Variants in TRAPPC6B observed in about 807,000 individuals in gnomAD.
The protein encoded by TRAPPC6B is TRAPP complex subunit 6B.
TRAPPC6B carries 27 observed loss-of-function variants against 24.7 expected under a neutral mutation model. The observed-to-expected ratio is 1.09, with a 90% CI of 0.81 to 1.51. The LOEUF is 1.51. TRAPPC6B is among the 40% of genes most tolerant of loss of function. The pLI, the probability that TRAPPC6B is intolerant of heterozygous loss-of-function variation, is 0.00. For missense variants in TRAPPC6B, 212 were observed against 190.8 expected, an observed-to-expected ratio of 1.11 and a Z score of -0.66; for synonymous variants, 80 against 66.6, an observed-to-expected ratio of 1.20 and a Z score of -0.98.
In TRAPPC6B at chr14:39,159,506, T is replaced by C. The variant is rs1256218881; in HGVS notation, c.126A>G (p.Arg42=). 6.2e-7 allele frequency: 1 copy of C among 1,606,748 alleles called. No homozygotes were observed. The highest frequency in any genetic ancestry group is 1.7e-5 in the Admixed American group (1 of 59,126). ...ACCTTTCTATCAATCCTTGTCCCAC[T>C]CGAAACCCCATGTTTTCCAGCTTAG... ...CITKLENMGF[R]VGQGLIERFT... The change falls in exon 2 of 6, where the codon CGA becomes CGG. Residue 42 remains arginine (R), a synonymous_variant. Coordinates refer to ENST00000330149, the MANE Select transcript of TRAPPC6B (RefSeq NM_001079537.2).
chr14:39,167,287 T>G (rs887784708), intron 1 of TRAPPC6B, among the ~76,000 whole-genome samples: 1 of 152,194 alleles, frequency 6.6e-6, no homozygotes, highest in African/African-American at 2.4e-5. Context: ...TGAAAAACCT[T>G]GATTTGGAGG....
At chr14:39,154,116 A>T in intron 4 of TRAPPC6B, 95 bp downstream of exon 4, 1 of 753,334 alleles carries the variant, frequency 1.3e-6, no homozygotes, top group Non-Finnish European at 2.2e-6. Context: ...ACCTTAAAAC[A>T]TATTTTTAAT....
intron 3 of TRAPPC6B, chr14:39,157,602 C>A: frequency 2.7e-6 from 1 of 375,928 alleles, no homozygotes; most frequent in South Asian, 2.1e-5. Flanking sequence ...GGGTCCCTTA[C>A]CGCATTATCA....
chr14:39,161,851 A>G (rs2053063113), intron 1 of TRAPPC6B, among the ~76,000 whole-genome samples: 1 of 152,170 alleles, frequency 6.6e-6, no homozygotes, highest in Non-Finnish European at 1.5e-5. Context: ...CAGCTTCCAG[A>G]TGAGAAGCTA....
intron 1 of TRAPPC6B, among the ~76,000 whole-genome samples, chr14:39,164,436 G>A (rs1412992404): frequency 6.6e-6 from 1 of 152,170 alleles, no homozygotes; most frequent in South Asian, 2.1e-4. Context: ...AGGTTGCAGT[G>A]AGCCAAGGTC....
chr14:39,151,801 T>C lies in TRAPPC6B; in HGVS notation c.390A>G (p.Leu130=). The C allele has an allele frequency of 6.2e-7, 1 of 1,609,604 alleles. No homozygotes were observed. The highest frequency in any genetic ancestry group is 8.5e-7 in the Non-Finnish European group (1 of 1,178,744). ...AFTCGLIRGG[L]SNLGIKSIVT... Reference sequence around the variant, plus strand: ...CAATACTTTTTATTCCCAAGTTTGATAAGCCACCTCTGATTAAGCCACACG... The same window carrying C: ...CAATACTTTTTATTCCCAAGTTTGACAAGCCACCTCTGATTAAGCCACACG... The change falls in exon 5 of 6, where the codon TTA becomes TTG. Residue 130 remains leucine (L), a synonymous_variant. Transcript: ENST00000330149.
chr14:39,161,273 A>T (rs1228505564), intron 1 of TRAPPC6B, among the ~76,000 whole-genome samples: 1 of 152,228 alleles, frequency 6.6e-6, no homozygotes, highest in Non-Finnish European at 1.5e-5. Context: ...TCAAGTAATA[A>T]CCAGTTATAT....
In TRAPPC6B at chr14:39,148,315, C is replaced by G. The variant is rs2052877164; in HGVS notation, c.*2035G>C. ...TTCAGACTTCCTTTGTCTCGTTAGC[C>G]TAGATTCCATCAAATGATCAAGTAA... On this transcript the variant is annotated 3_prime_UTR_variant, in exon 6 of 6. Coordinates refer to ENST00000330149, the MANE Select transcript of TRAPPC6B (RefSeq NM_001079537.2). 1 of 223,796 alleles carries G rather than the reference C, an allele frequency of 4.5e-6. No individual in the cohort carries two copies. Among genetic ancestry groups the G allele is most frequent in the African/African-American group, 2.2e-5 (1 of 44,638 alleles). 13.9% of individuals were successfully genotyped at this position (223,796 alleles called of 1,614,324 possible). A position where few individuals can be genotyped will look rare whatever the true frequency, so the allele number is the denominator to read the frequency against.
chr14:39,160,339 A>G (rs1353924750), intron 1 of TRAPPC6B, among the ~76,000 whole-genome samples: 1 of 152,046 alleles, frequency 6.6e-6, no homozygotes, highest in African/African-American at 2.4e-5. Context: ...GCACTTTAGG[A>G]GGCCAAAGCA....
intron 3 of TRAPPC6B, chr14:39,157,997 A>G (rs1423089271): frequency 3.9e-6 from 1 of 257,288 alleles, no homozygotes; most frequent in Non-Finnish European, 7.3e-6. Context: ...ATTAACAGTA[A>G]CTAAGGAACC....
At chr14:39,169,818 A>T (rs1373010141) in intron 1 of TRAPPC6B, among the ~76,000 whole-genome samples, 197 bp downstream of exon 1, 1 of 152,208 alleles carries the variant, frequency 6.6e-6, no homozygotes, top group African/African-American at 2.4e-5. Flanking sequence ...GAAGATACGA[A>T]AGAGAAAACG....
intron 3 of TRAPPC6B, chr14:39,157,150 C>T (rs2052991577): frequency 4.1e-6 from 1 of 243,016 alleles, no homozygotes; most frequent in African/African-American, 2.4e-5. Context: ...TGGTGAATCC[C>T]CTGTTTGAGA....
Position 39,170,091 on chromosome 14 carries a change from G to A in TRAPPC6B, c.5C>T (p.Ala2Val). Reference protein sequence around the residue: MADEALFLLLHN... With the variant: MVDEALFLLLHN... ...GAGAAGCAAAAACAACGCCTCATCC[G>A]CCATTTCCTGCTAATTCTTCCAAGC... is the stretch of plus-strand genomic sequence containing the variant. The change falls in exon 1 of 6, where the codon GCG becomes GTG. Residue 2 changes from alanine (A) to valine (V), a missense_variant. Physicochemically the swap from Ala to Val is moderately conservative, Grantham distance 64. Coordinates refer to ENST00000330149, the MANE Select transcript of TRAPPC6B (RefSeq NM_001079537.2). The A allele has an allele frequency of 1.9e-6, 3 of 1,613,972 alleles. No individual in the cohort carries two copies. Among genetic ancestry groups the A allele is most frequent in the Non-Finnish European group, 2.5e-6 (3 of 1,179,934 alleles).
intron 1 of TRAPPC6B, among the ~76,000 whole-genome samples, chr14:39,168,312 G>T (rs1341736949): frequency 1.3e-5 from 2 of 151,946 alleles, no homozygotes; most frequent in African/African-American, 4.8e-5. Context: ...GGGATCGGGG[G>T]TTATGACAAA....
At position 39,148,886 on chromosome 14, in the gene TRAPPC6B, C is replaced by A. The variant is rs2052885269; in HGVS notation, c.*1464G>T. 2.5e-6 allele frequency: 1 copy of A among 396,318 alleles called. No individual in the cohort carries two copies. Among genetic ancestry groups the A allele is most frequent in the Non-Finnish European group, 4.4e-6 (1 of 225,134 alleles). 24.6% of individuals were successfully genotyped at this position (396,318 alleles called of 1,614,324 possible). On this transcript the variant is annotated 3_prime_UTR_variant, in exon 6 of 6. Coordinates refer to ENST00000330149, the MANE Select transcript of TRAPPC6B (RefSeq NM_001079537.2). ...GATCTACTATACACCTAAGCTATGG[C>A]CTATTGCTCCTAGGCTACAAACCTG...
chr14:39,158,530 T>C, intron 2 of TRAPPC6B, 128 bp from the exon 3 acceptor site: 1 of 615,104 alleles, frequency 1.6e-6, no homozygotes, highest in Non-Finnish European at 2.8e-6. Context: ...TTTTAATTTT[T>C]TTTTTGAGAC....
At chr14:39,151,694 G>T in intron 5 of TRAPPC6B, 52 bp downstream of exon 5, 2 of 1,284,624 alleles carry the variant, frequency 1.6e-6, no homozygotes, top group South Asian at 2.7e-5. Flanking sequence ...AAAAAAAACA[G>T]ACCTGAAAAC....
chr14:39,169,959 G>A lies in TRAPPC6B; in HGVS notation c.81+56C>T, dbSNP rs568478258. On this transcript the variant is annotated intron_variant, in intron 1 of 5. Transcript: ENST00000330149. ...GACAGGGGTTGAAGGAAAGCACTGA[G>A]GGGAAACAAGGTGTGTCACCGCAAA... is the stretch of plus-strand genomic sequence containing the variant. The A allele has an allele frequency of 5.1e-6, 8 of 1,568,880 alleles. No individual in the cohort carries two copies. In the East Asian group the frequency reaches 1.3e-4, roughly 26 times the overall value.
At chr14:39,158,581 A>C (rs1167269316) in intron 2 of TRAPPC6B, 179 bp from the exon 3 acceptor site, 3 of 510,488 alleles carry the variant, frequency 5.9e-6, no homozygotes, top group Non-Finnish European at 1.0e-5. Flanking sequence ...GCAATAGCAT[A>C]ATCTCGGCTC....
Sources: allele counts gnomAD v4.1 joint callset (sites outside exome capture counted in the v4.1 genomes callset), GRCh38; gene constraint gnomAD v4.1.1; transcripts MANE v1.5; gene names NCBI Gene and HGNC (gene_info 2026-07-23, HGNC 2026-07-21).